The following TAFA4 variants were observed in gnomAD, a reference collection of about 807,000 sequenced individuals.
The protein encoded by TAFA4 is chemokine-like protein TAFA-4.
In TAFA4, 20 loss-of-function variants were observed where a neutral mutation model predicts 21.1. That is an observed-to-expected ratio of 0.95 (90% CI 0.67 to 1.38). TAFA4 has a LOEUF of 1.38. Among genes scored for constraint, TAFA4 ranks in the 40% most tolerant of loss-of-function variants. The pLI is 0.00. For synonymous variants in TAFA4, 71 were observed against 67.4 expected (o/e 1.05, Z -0.26); for missense variants, 211 against 180.9 (o/e 1.17, Z -0.95).
chr3:68,770,307 A>G (rs1399485654), intron 3 of TAFA4, among the ~76,000 whole-genome samples: 1 of 152,212 alleles, frequency 6.6e-6, no homozygotes, highest in Non-Finnish European at 1.5e-5. Context: ...ACATGCTGTT[A>G]TAAGGGTAGA....
chr3:68,898,004 C>T (rs2089809253), intron 1 of TAFA4, among the ~76,000 whole-genome samples: 1 of 152,174 alleles, frequency 6.6e-6, no homozygotes, highest in Non-Finnish European at 1.5e-5. Flanking sequence ...AGACAAAGGA[C>T]TGGTCAGGTT....
At chr3:68,796,842 C>A (rs1703461568) in intron 3 of TAFA4, among the ~76,000 whole-genome samples, 1 of 152,138 alleles carries the variant, frequency 6.6e-6, no homozygotes, top group Non-Finnish European at 1.5e-5. Context: ...ATAGACATTT[C>A]TCCAAATATA....
At chr3:68,783,749 G>GAAAGAAAGAAAGAAAGAAAGAA (rs1421530241) in intron 3 of TAFA4, among the ~76,000 whole-genome samples, 2 of 135,990 alleles carry the variant, frequency 1.5e-5, no homozygotes, top group Non-Finnish European at 3.1e-5. Flanking sequence ...AAGAAAGTAA[G>GAAAGAAAGAAAGAAAGAAAGAA]AAAGAAAGAA....
intron 3 of TAFA4, among the ~76,000 whole-genome samples, chr3:68,757,861 T>A (rs1427524902): frequency 6.6e-6 from 1 of 152,228 alleles, no homozygotes; most frequent in Non-Finnish European, 1.5e-5. Flanking sequence ...CACATTATAG[T>A]GTTGTATCTC....
chr3:68,858,275 C>G (rs1373429474), intron 3 of TAFA4, among the ~76,000 whole-genome samples: 6 of 152,106 alleles, frequency 3.9e-5, no homozygotes, highest in African/African-American at 1.4e-4. Context: ...ACCATCCCCT[C>G]AAGTCTCTCT....
At position 68,868,909 on chromosome 3, in the gene TAFA4, T is replaced by C. The variant is rs188715570; in HGVS notation, c.130+11821A>G. Among the ~76,000 whole-genome samples, 99 of 151,758 alleles carry C rather than the reference T, an allele frequency of 6.5e-4. 1 individual carries two copies. In the East Asian group the frequency reaches 0.016, roughly 25 times the overall value. On this transcript the variant is annotated intron_variant, in intron 3 of 5. Transcript: ENST00000295569. ...AGCAGAAATAATGAAATTGAAACTTTAAAAAATACAAAAGATTAACAAAAA... is the reference window on the plus strand; with the variant it reads ...AGCAGAAATAATGAAATTGAAACTTCAAAAAATACAAAAGATTAACAAAAA...
intron 3 of TAFA4, among the ~76,000 whole-genome samples, chr3:68,790,334 A>C (rs1027704348): frequency 6.6e-6 from 1 of 152,210 alleles, no homozygotes; most frequent in Admixed American, 6.5e-5. Context: ...AATACTAAAA[A>C]TTATTCAAAT....
chr3:68,747,156 C>G (rs898387808), intron 4 of TAFA4, among the ~76,000 whole-genome samples: 1 of 152,154 alleles, frequency 6.6e-6, no homozygotes, highest in African/African-American at 2.4e-5. Flanking sequence ...ATGATAAACA[C>G]CATGCTACCT....
Position 68,738,343 on chromosome 3 carries a change from T to C in TAFA4, c.411+732A>G, listed in dbSNP as rs528363040. Among the ~76,000 whole-genome samples the C allele has an allele frequency of 7.6e-4, 115 of 152,240 alleles. 1 individual carries two copies. Among genetic ancestry groups the C allele is most frequent in the African/African-American group, 2.6e-3 (110 of 41,550 alleles). ...GGCTAGTGGACCAATCACCAGAGGGTGCCAGTGGAATATTTTGAGGTGGAC... is the reference window on the plus strand; with the variant it reads ...GGCTAGTGGACCAATCACCAGAGGGCGCCAGTGGAATATTTTGAGGTGGAC... On this transcript the variant is annotated intron_variant, in intron 5 of 5. Coordinates refer to ENST00000295569, the MANE Select transcript of TAFA4 (RefSeq NM_182522.5).
At chr3:68,914,326 G>A (rs561002804) in intron 1 of TAFA4, among the ~76,000 whole-genome samples, 13 of 152,172 alleles carry the variant, frequency 8.5e-5, no homozygotes, top group Non-Finnish European at 1.6e-4. Flanking sequence ...TGGTGTGTAT[G>A]ACTAGGAGGG....
chr3:68,897,997 C>T (rs753901556), intron 1 of TAFA4, among the ~76,000 whole-genome samples: 2 of 152,100 alleles, frequency 1.3e-5, no homozygotes, highest in Non-Finnish European at 2.9e-5. Flanking sequence ...GGGGATGAGA[C>T]AAAGGACTGG....
intron 4 of TAFA4, 44 bp downstream of exon 4, chr3:68,752,819 T>C (rs1367645767): frequency 1.2e-5 from 20 of 1,613,632 alleles, no homozygotes; most frequent in Non-Finnish European, 1.7e-5. Context: ...TGGTGGGTTT[T>C]GGCCTTTTTG....
chr3:68,875,936 G>C (rs1346030893), intron 3 of TAFA4, among the ~76,000 whole-genome samples: 1 of 150,936 alleles, frequency 6.6e-6, no homozygotes, highest in African/African-American at 2.4e-5. Flanking sequence ...AAAAGAGAGA[G>C]AGAACTAAAT....
At chr3:68,748,601 A>G (rs932131875) in intron 4 of TAFA4, among the ~76,000 whole-genome samples, 40 of 152,256 alleles carry the variant, frequency 2.6e-4, no homozygotes, top group African/African-American at 9.4e-4. Context: ...AAAATTAGCC[A>G]GGCATGGTGG....
intron 3 of TAFA4, among the ~76,000 whole-genome samples, chr3:68,860,144 G>C (rs1402428218): frequency 1.3e-5 from 2 of 152,074 alleles, no homozygotes; most frequent in Non-Finnish European, 2.9e-5. Context: ...CTTTCCCCTT[G>C]AAATAGTTCC....
At chr3:68,898,286 C>T (rs895323346) in intron 1 of TAFA4, among the ~76,000 whole-genome samples, 1 of 152,164 alleles carries the variant, frequency 6.6e-6, no homozygotes, top group Admixed American at 6.5e-5. Context: ...TATGGAAAGG[C>T]ATATCTGATT....
intron 3 of TAFA4, among the ~76,000 whole-genome samples, chr3:68,805,111 A>C (rs1381921380): frequency 6.6e-6 from 1 of 152,224 alleles, no homozygotes; most frequent in Non-Finnish European, 1.5e-5. Flanking sequence ...TTACAGGAAA[A>C]AAACAAACAA....
chr3:68,779,604 A>G (rs888875770), intron 3 of TAFA4, among the ~76,000 whole-genome samples: 1 of 152,236 alleles, frequency 6.6e-6, no homozygotes, highest in African/African-American at 2.4e-5. Context: ...AGAGGGTTGA[A>G]GCCCCACGAC....
intron 4 of TAFA4, among the ~76,000 whole-genome samples, chr3:68,744,354 G>C (rs1296610338): frequency 2.6e-5 from 4 of 152,178 alleles, no homozygotes; most frequent in Non-Finnish European, 2.9e-5. Context: ...GGGCTCTCGA[G>C]GAAAATTCAA....
Sources: allele counts gnomAD v4.1 joint callset (sites outside exome capture counted in the v4.1 genomes callset), GRCh38; gene constraint gnomAD v4.1.1; transcripts MANE v1.5; gene names NCBI Gene and HGNC (gene_info 2026-07-23, HGNC 2026-07-21).